The following RALY variants were observed in gnomAD, a reference collection of about 807,000 sequenced individuals.
The protein encoded by RALY is RALY heterogeneous nuclear ribonucleoprotein, also known as RNA-binding protein Raly.
Under a neutral mutation model 30.7 loss-of-function variants are expected in RALY, and 15 were observed. The ratio of observed to expected loss-of-function variants is 0.49; its 90% confidence interval spans 0.33 to 0.75. The LOEUF is 0.75. Among genes scored for constraint, RALY ranks in the 30% least tolerant of loss-of-function variants. The pLI is 0.02. For synonymous variants in RALY, 177 were observed against 170.8 expected, an observed-to-expected ratio of 1.04 and a Z score of -0.28; for missense variants, 339 against 414.3, an observed-to-expected ratio of 0.82 and a Z score of 1.58.
At chr20:34,056,679 A>G (rs564368067) in intron 2 of RALY, among the ~76,000 whole-genome samples, 15 of 152,316 alleles carry the variant, frequency 9.8e-5, no homozygotes, top group African/African-American at 3.6e-4. Flanking sequence ...AGTAGACTAT[A>G]CATCTTCACA....
chr20:34,077,315 T>C, intron 8 of RALY, 70 bp downstream of exon 8: 2 of 1,592,542 alleles, frequency 1.3e-6, no homozygotes, highest in South Asian at 2.3e-5. Context: ...AACAGGGGAA[T>C]GGGCAGCCTG....
At chr20:34,023,012 G>C (rs982922864) in intron 1 of RALY, among the ~76,000 whole-genome samples, 1 of 152,136 alleles carries the variant, frequency 6.6e-6, no homozygotes, top group Non-Finnish European at 1.5e-5. Context: ...CCAGGAACTG[G>C]CAGTCAGTCT....
chr20:34,057,677 A>G (rs1390408663), intron 2 of RALY, among the ~76,000 whole-genome samples: 1 of 152,006 alleles, frequency 6.6e-6, no homozygotes. Flanking sequence ...AAAAAAAAAA[A>G]AAAAAAAACA....
chr20:34,043,828 C>T (rs1202926162), intron 2 of RALY, among the ~76,000 whole-genome samples: 1 of 152,034 alleles, frequency 6.6e-6, no homozygotes. Context: ...ATGGTTAAGG[C>T]TTTTGGAGCC....
intron 2 of RALY, among the ~76,000 whole-genome samples, chr20:34,058,589 A>G (rs1270022305): frequency 6.6e-6 from 1 of 152,190 alleles, no homozygotes; most frequent in African/African-American, 2.4e-5. Context: ...GGAAGAACCC[A>G]TTTCACATTG....
intron 2 of RALY, among the ~76,000 whole-genome samples, chr20:34,040,439 C>T (rs547341364): frequency 1.9e-4 from 29 of 152,172 alleles, no homozygotes; most frequent in Non-Finnish European, 3.5e-4. Context: ...CATAAGCACT[C>T]CTGTTTGATT....
intron 1 of RALY, among the ~76,000 whole-genome samples, chr20:33,998,945 G>A (rs555508630): frequency 6.6e-6 from 1 of 151,934 alleles, no homozygotes; most frequent in Non-Finnish European, 1.5e-5. Context: ...TGGCCAACGT[G>A]GTGAAACCCC....
chr20:34,028,723 A>C (rs892697967), intron 1 of RALY, among the ~76,000 whole-genome samples: 5 of 150,868 alleles, frequency 3.3e-5, no homozygotes, highest in African/African-American at 7.3e-5. Flanking sequence ...AAAAAAAAAA[A>C]AAAAAAAAAA....
intron 1 of RALY, among the ~76,000 whole-genome samples, chr20:34,001,063 A>G (rs2030892879): frequency 6.6e-6 from 1 of 152,254 alleles, no homozygotes; most frequent in Non-Finnish European, 1.5e-5. Context: ...GATACCTTTC[A>G]GTATATAAAC....
chr20:34,074,209 C>G (rs186892353), intron 5 of RALY, among the ~76,000 whole-genome samples: 1 of 152,168 alleles, frequency 6.6e-6, no homozygotes, highest in Non-Finnish European at 1.5e-5. Context: ...AGTTTGAGCC[C>G]TTCCCTCTGT....
intron 1 of RALY, among the ~76,000 whole-genome samples, chr20:34,022,310 C>T (rs2031859707): frequency 6.6e-6 from 1 of 151,988 alleles, no homozygotes; most frequent in African/African-American, 2.4e-5. Flanking sequence ...GTGGAAAAGA[C>T]AGATACCGTA....
At chr20:34,064,396 A>G (rs975705489) in intron 2 of RALY, among the ~76,000 whole-genome samples, 7 of 152,118 alleles carry the variant, frequency 4.6e-5, no homozygotes, top group South Asian at 2.1e-4. Flanking sequence ...GTATCCTCTC[A>G]GGGCCCATTA....
Position 34,010,552 on chromosome 20 carries a change from G to A in RALY, c.-93+16421G>A, listed in dbSNP as rs536813483. Among the ~76,000 whole-genome samples the A allele has an allele frequency of 1.9e-4, 29 of 152,274 alleles. No homozygotes were observed. The South Asian group carries it at 2.9e-3, about 15-fold the overall frequency. Reference sequence around the variant, plus strand: ...GCACCAGGCCTGAAAGTAGGCAAAAGAATCACCCAGAAAGTCACCTGCTGG... The same window carrying A: ...GCACCAGGCCTGAAAGTAGGCAAAAAAATCACCCAGAAAGTCACCTGCTGG... On this transcript the variant is annotated intron_variant, in intron 1 of 9. Transcript: ENST00000246194.
intron 2 of RALY, among the ~76,000 whole-genome samples, chr20:34,042,197 T>C (rs573262076): frequency 7.8e-4 from 118 of 152,104 alleles, no homozygotes; most frequent in African/African-American, 2.7e-3. Flanking sequence ...TAGCTCAGCC[T>C]CCCCACTACC....
intron 2 of RALY, among the ~76,000 whole-genome samples, chr20:34,048,377 C>T (rs2032957816): frequency 6.6e-6 from 1 of 152,050 alleles, no homozygotes; most frequent in Non-Finnish European, 1.5e-5. Flanking sequence ...TCTCCTCATC[C>T]CTAGGACTTC....
chr20:34,031,243 T>C (rs1216266995), intron 1 of RALY, among the ~76,000 whole-genome samples: 1 of 143,852 alleles, frequency 7.0e-6, no homozygotes, highest in East Asian at 2.0e-4. Context: ...GTATTTTTAG[T>C]AGAGACAGGG....
At chr20:34,022,818 G>GCC (rs1405550794) in intron 1 of RALY, among the ~76,000 whole-genome samples, 1 of 152,140 alleles carries the variant, frequency 6.6e-6, no homozygotes, top group East Asian at 1.9e-4. Flanking sequence ...ATTATCTTCA[G>GCC]CCACTTTTTG....
intron 2 of RALY, among the ~76,000 whole-genome samples, chr20:34,054,324 A>G (rs2033172412): frequency 1.3e-5 from 2 of 152,232 alleles, no homozygotes; most frequent in South Asian, 4.1e-4. Flanking sequence ...TCAGAATTTA[A>G]TGGAGGGAGA....
chr20:34,023,089 G>A (rs1238599849), intron 1 of RALY, among the ~76,000 whole-genome samples: 1 of 152,172 alleles, frequency 6.6e-6, no homozygotes, highest in Non-Finnish European at 1.5e-5. Context: ...GTGTAGTTCA[G>A]TACAGACAAA....
Sources: gnomAD v4.1 joint callset for allele counts (sites outside exome capture counted in the v4.1 genomes callset) on GRCh38, gnomAD v4.1.1 for gene constraint, MANE v1.5 for transcripts, NCBI Gene and HGNC (gene_info 2026-07-23, HGNC 2026-07-21) for gene names.